Variants in SLC4A2 observed in about 807,000 individuals in gnomAD.
SLC4A2 encodes solute carrier family 4 member 2.
A neutral mutation model predicts 115.0 loss-of-function variants in SLC4A2; 36 were observed. The observed-to-expected ratio is 0.31, with a 90% CI of 0.24 to 0.41. SLC4A2 has a LOEUF of 0.41. Among genes scored for constraint, SLC4A2 ranks in the 10% least tolerant of loss-of-function variants. SLC4A2 has a pLI of 1.00. For missense variants in SLC4A2, 1,252 were observed against 1,705.6 expected, an observed-to-expected ratio of 0.73 and a Z score of 4.68; for synonymous variants, 708 against 708.3, an observed-to-expected ratio of 1.00 and a Z score of 0.01.
In SLC4A2 at chr7:151,061,949, G is replaced by C. The variant is rs1797061058; in HGVS notation, c.-39G>C. ...GGTTATGCCTCCGCCTCGTTGCCCT[G>C]AAAGCCGCAGCGACAGCGAAAAGGG... On this transcript the variant is annotated 5_prime_UTR_variant, in exon 2 of 23. Transcript: ENST00000413384. 1 of 1,601,296 alleles carries C rather than the reference G, an allele frequency of 6.2e-7. No homozygotes were observed. The highest frequency in any genetic ancestry group is 8.5e-7 in the Non-Finnish European group (1 of 1,174,336).
chr7:151,066,811 G>A, intron 6 of SLC4A2, 40 bp from the exon 7 acceptor site: 1 of 1,596,476 alleles, frequency 6.3e-7, no homozygotes, highest in Non-Finnish European at 8.5e-7. Context: ...AAAGGAGTGA[G>A]AGAAAGGGGG....
At chr7:151,061,865 G>A (rs1375459328) in intron 1 of SLC4A2, 60 bp from the exon 2 acceptor site, 5 of 836,874 alleles carry the variant, frequency 6.0e-6, no homozygotes, top group Non-Finnish European at 7.7e-6. Context: ...CGCAGCCTGC[G>A]CGTGGTGGCT....
In SLC4A2 at chr7:151,071,938, C is replaced by T. The variant is rs770148615; in HGVS notation, c.2341-4C>T. The T allele has an allele frequency of 1.2e-6, 2 of 1,613,802 alleles. No homozygotes were observed. The highest frequency in any genetic ancestry group is 1.7e-6 in the Non-Finnish European group (2 of 1,179,794). ...GCTCAGGACCTGACTGCCCCTCCCT[C>T]CAGTTCTGTAGCAGCAACCACCTGG... On this transcript the variant is annotated splice_polypyrimidine_tract_variant and splice_region_variant and intron_variant, in intron 15 of 22. Coordinates refer to ENST00000413384, the MANE Select transcript of SLC4A2 (RefSeq NM_003040.4). This position sits in a 1 kb window ranked among gnomAD's most constrained non-coding sequence, Gnocchi z 5.5.
chr7:151,074,558 C>A, intron 18 of SLC4A2, 70 bp downstream of exon 18: 2 of 1,592,666 alleles, frequency 1.3e-6, no homozygotes, highest in Non-Finnish European at 8.6e-7. Context: ...TCCCCTCCAG[C>A]CTCCAAACCC....
intron 2 of SLC4A2, among the ~76,000 whole-genome samples, chr7:151,062,299 A>C (rs899457709): frequency 1.3e-5 from 2 of 152,078 alleles, no homozygotes; most frequent in Non-Finnish European, 2.9e-5. Flanking sequence ...CGGTTGAGGA[A>C]CTTTGAGAAC....
At position 151,071,473 on chromosome 7, in the gene SLC4A2, C is replaced by A; in HGVS notation, c.2059C>A (p.Arg687=). 1 of 1,611,710 alleles carries A rather than the reference C, an allele frequency of 6.2e-7. No individual in the cohort carries two copies. Among genetic ancestry groups the A allele is most frequent in the Non-Finnish European group, 8.5e-7 (1 of 1,179,898 alleles). The change falls in exon 14 of 23, where the codon CGA becomes AGA. Residue 687 remains arginine, a synonymous_variant. Coordinates refer to ENST00000413384, the MANE Select transcript of SLC4A2 (RefSeq NM_003040.4). This position sits in a 1 kb window ranked among gnomAD's most constrained non-coding sequence, Gnocchi z 5.5. ...RTGRPFGGLI[R]DVRRRYPHYL... ...GGGGCGGCCCTTTGGGGGGCTGATCCGAGATGTGCGGCGCCGCTATCCCCA... is the reference window on the plus strand; with the variant it reads ...GGGGCGGCCCTTTGGGGGGCTGATCAGAGATGTGCGGCGCCGCTATCCCCA...
In SLC4A2 at chr7:151,074,157, T is replaced by TGGCTGGGCA; in HGVS notation, c.2656_2664dup (p.Ala886_Gln888dup). ...ACGCTGGGGCCGGGCAACAGGAGCT[T>TGGCTGGGCA]GGCTGGGCAGTCTGGGCAGGGGAAG... On this transcript the variant is annotated inframe_insertion, in exon 17 of 23. Coordinates refer to ENST00000413384, the MANE Select transcript of SLC4A2 (RefSeq NM_003040.4). 3 of 1,612,822 alleles carry TGGCTGGGCA rather than the reference T, an allele frequency of 1.9e-6. No homozygotes were observed. Among genetic ancestry groups the TGGCTGGGCA allele is most frequent in the South Asian group, 1.1e-5 (1 of 91,048 alleles).
In SLC4A2 at chr7:151,064,978, C is replaced by G; in HGVS notation, c.578+12C>G. Reference sequence around the variant, plus strand: ...GGGGCCCAGGCTGGGTAAGTACACCCCAATCAACAGTGTCCCCAACAGACA... The same window carrying G: ...GGGGCCCAGGCTGGGTAAGTACACCGCAATCAACAGTGTCCCCAACAGACA... On this transcript the variant is annotated intron_variant, in intron 5 of 22. Coordinates refer to ENST00000413384, the MANE Select transcript of SLC4A2 (RefSeq NM_003040.4). 6.5e-7 allele frequency: 1 copy of G among 1,531,466 alleles called. No homozygotes were observed. Among genetic ancestry groups the G allele is most frequent in the Non-Finnish European group, 9.0e-7 (1 of 1,105,118 alleles). 94.9% of individuals were successfully genotyped at this position (1,531,466 alleles called of 1,614,324 possible).
chr7:151,076,126 C>T lies in SLC4A2; in HGVS notation c.3585C>T (p.Leu1195=), dbSNP rs767038514. The change falls in exon 22 of 23, where the codon CTC becomes CTT. Residue 1195 remains leucine, a synonymous_variant. Transcript: ENST00000413384. ...ASLAFPFILI[L]TVPLRMVVLT... ...TGGCCTTCCCCTTCATCCTCATCCT[C>T]ACAGTGCCGCTCCGCATGGTGGTGC... The T allele has an allele frequency of 5.6e-6, 9 of 1,610,838 alleles. No individual in the cohort carries two copies. The highest frequency in any genetic ancestry group is 1.1e-5 in the South Asian group (1 of 91,090).
At chr7:151,067,689 G>A (rs558279220) in intron 7 of SLC4A2, among the ~76,000 whole-genome samples, 185 bp from the exon 8 acceptor site, 4 of 152,298 alleles carry the variant, frequency 2.6e-5, no homozygotes, top group South Asian at 4.1e-4. Context: ...GGGAAACTGC[G>A]TCTCATTGGT....
Position 151,074,811 on chromosome 7 carries a change from T to C in SLC4A2, c.3017T>C (p.Ile1006Thr). 1 of 1,612,624 alleles carries C rather than the reference T, an allele frequency of 6.2e-7. No individual in the cohort carries two copies. The highest frequency in any genetic ancestry group is 8.5e-7 in the Non-Finnish European group (1 of 1,179,488). ...ASLLPAILVFILIFMETQITT... is the reference protein window; with the variant it reads ...ASLLPAILVFTLIFMETQITT... ...CTGCTGCCCGCCATCCTGGTCTTCA[T>C]TCTCATCTTCATGGAGACACAGATC... Residue 1006 changes from isoleucine (I) to threonine (T), a missense_variant, in exon 19 of 23, where the codon ATT (isoleucine) becomes ACT (threonine). Ile to Thr is a moderately conservative substitution (Grantham distance 89). Transcript: ENST00000413384.
intron 21 of SLC4A2, 70 bp from the exon 22 acceptor site, chr7:151,075,943 G>A (rs879279031): frequency 1.5e-5 from 23 of 1,504,204 alleles, no homozygotes; most frequent in Non-Finnish European, 1.9e-5. Context: ...CCCCGCCTCC[G>A]AAGAAGAGAG....
rs1433083921 is a variant in SLC4A2 at position 151,071,317 on chromosome 7, G to A, written c.1975+20G>A. The A allele has an allele frequency of 6.5e-7, 1 of 1,545,024 alleles. No homozygotes were observed. The highest frequency in any genetic ancestry group is 2.4e-5 in the East Asian group (1 of 41,256). On this transcript the variant is annotated intron_variant, in intron 13 of 22. Coordinates refer to ENST00000413384, the MANE Select transcript of SLC4A2 (RefSeq NM_003040.4). The surrounding 1 kb of genome is among the most constrained non-coding windows in gnomAD (Gnocchi z 5.5). The stretch of plus-strand genomic sequence containing the variant: ...ATAAGGGTACGGCCAGGGCGGGCTG[G>A]GGCCAGGGCTGCCTCGAGGGGGTGA...
intron 11 of SLC4A2, 23 bp downstream of exon 11, chr7:151,070,594 A>T: frequency 6.2e-7 from 1 of 1,606,846 alleles, no homozygotes; most frequent in Admixed American, 1.7e-5. Flanking sequence ...GGTCACATGT[A>T]GGGGGCTTGG....
intron 18 of SLC4A2, 88 bp downstream of exon 18, chr7:151,074,576 C>G: frequency 6.3e-7 from 1 of 1,587,560 alleles, no homozygotes; most frequent in Admixed American, 1.7e-5. Flanking sequence ...CCCAGCCTGT[C>G]CTTAAGCTTA....
rs1039389060 is a variant in SLC4A2 at position 151,062,489 on chromosome 7, C to G, written c.51+451C>G. ...CCCACGTGGCCACCGCTCCACATGG[C>G]CCCCTTTGGATTTTCCTAAGGAGTC... On this transcript the variant is annotated intron_variant, in intron 2 of 22. Coordinates refer to ENST00000413384, the MANE Select transcript of SLC4A2 (RefSeq NM_003040.4). 9.7e-6 allele frequency: 13 copies of G among 1,336,646 alleles called. No individual in the cohort carries two copies. In the African/African-American group the frequency reaches 1.8e-4, roughly 18 times the overall value. 82.8% of individuals were successfully genotyped at this position (1,336,646 alleles called of 1,614,324 possible). A position where few individuals can be genotyped will look rare whatever the true frequency, so the allele number is the denominator to read the frequency against.
chr7:151,063,505 C>T (rs1797126466), intron 2 of SLC4A2, among the ~76,000 whole-genome samples: 1 of 152,000 alleles, frequency 6.6e-6, no homozygotes, highest in Non-Finnish European at 1.5e-5. Flanking sequence ...TTCCACCTGC[C>T]CTGAACTGAC....
intron 2 of SLC4A2, chr7:151,062,781 A>G (rs964328059): frequency 1.2e-4 from 158 of 1,365,822 alleles, no homozygotes; most frequent in Non-Finnish European, 1.4e-4. Context: ...TAGGGGAGCC[A>G]GGAGATGGAC....
rs777008587 is a variant in SLC4A2 at position 151,074,016 on chromosome 7, G to A, written c.2536-23G>A. 5.8e-6 allele frequency: 9 copies of A among 1,538,650 alleles called. No homozygotes were observed. The South Asian group carries it at 9.8e-5, about 17-fold the overall frequency. On this transcript the variant is annotated intron_variant, in intron 16 of 22. Coordinates refer to ENST00000413384, the MANE Select transcript of SLC4A2 (RefSeq NM_003040.4). ...CTTTTCTGCAGTCCAGCTGATGGAG[G>A]CCGTGTGGCCTCCTCTCCCCAGATC... is the stretch of plus-strand genomic sequence containing the variant.
Sources: allele counts gnomAD v4.1 joint callset (sites outside exome capture counted in the v4.1 genomes callset), GRCh38; gene constraint gnomAD v4.1.1; non-coding constraint Gnocchi (gnomAD v3.1); transcripts MANE v1.5; gene names NCBI Gene and HGNC (gene_info 2026-07-23, HGNC 2026-07-21).